Variants in RGPD5 observed in about 807,000 individuals in gnomAD.
RGPD5 encodes the protein RANBP2 like and GRIP domain containing 5, also known as RANBP2-like and GRIP domain-containing protein 5/6.
chr2:109,765,261 T>C, the RGPD5 span, among the ~76,000 whole-genome samples: 2 of 144,658 alleles, frequency 1.4e-5, 1 homozygote, highest in East Asian at 4.5e-4. Context: ...CAAATACACG[T>C]TTAACACTGC....
the RGPD5 span, among the ~76,000 whole-genome samples, chr2:109,766,790 GA>G: frequency 5.3e-5 from 8 of 149,902 alleles, no homozygotes; most frequent in Non-Finnish European, 1.0e-4. Flanking sequence ...TTGCCTGTTT[GA>G]TTTTTTTTTA....
the RGPD5 span, among the ~76,000 whole-genome samples, chr2:109,763,396 C>T: frequency 6.7e-6 from 1 of 150,092 alleles, no homozygotes; most frequent in Non-Finnish European, 1.5e-5. Flanking sequence ...ATGGGGCAGC[C>T]ATATTTCAAC....
At chr2:109,765,338 A>T in the RGPD5 span, among the ~76,000 whole-genome samples, 1 of 149,728 alleles carries the variant, frequency 6.7e-6, no homozygotes, top group Non-Finnish European at 1.5e-5. Context: ...AACGCTTATT[A>T]CTATGTGTGA....
chr2:109,778,378 A>G, the RGPD5 span, among the ~76,000 whole-genome samples: 1 of 148,080 alleles, frequency 6.8e-6, no homozygotes, highest in African/African-American at 2.5e-5. Context: ...AAATGATTCA[A>G]GCTATTAAGT....
chr2:109,766,330 G>A, the RGPD5 span, among the ~76,000 whole-genome samples: 1 of 150,856 alleles, frequency 6.6e-6, no homozygotes, highest in Non-Finnish European at 1.5e-5. Flanking sequence ...CTGTGGAGGA[G>A]CTCAGCCCTT....
chr2:109,794,610 G>GCGGCC (rs1481533589), intron 1 of RGPD5, 73 bp downstream of exon 1: 4 of 190,808 alleles, frequency 2.1e-5, no homozygotes, highest in Middle Eastern at 2.8e-3. Flanking sequence ...GGCGGCGGCG[G>GCGGCC]GGGGGGCGGC....
chr2:109,763,710 T>C, the RGPD5 span, among the ~76,000 whole-genome samples: 1 of 150,500 alleles, frequency 6.6e-6, no homozygotes, highest in African/African-American at 2.4e-5. Flanking sequence ...CTTCCTTTGA[T>C]TGATCATAGA....
the RGPD5 span, among the ~76,000 whole-genome samples, chr2:109,765,530 C>T: frequency 6.6e-6 from 1 of 150,420 alleles, no homozygotes; most frequent in Non-Finnish European, 1.5e-5. Flanking sequence ...AAGGCTGACA[C>T]TGCCCGCTTG....
At chr2:109,762,418 T>A in the RGPD5 span, among the ~76,000 whole-genome samples, 2 of 150,206 alleles carry the variant, frequency 1.3e-5, no homozygotes, top group Non-Finnish European at 2.9e-5. Flanking sequence ...AAAGGCAGTT[T>A]TTCAGTCAAA....
chr2:109,765,556 A>G, the RGPD5 span, among the ~76,000 whole-genome samples: 4 of 150,318 alleles, frequency 2.7e-5, no homozygotes, highest in African/African-American at 9.8e-5. Context: ...GCATGGGCAC[A>G]TCCTGTTGAA....
At chr2:109,771,695 ATAGT>A in the RGPD5 span, among the ~76,000 whole-genome samples, 1 of 15,390 alleles carries the variant, frequency 6.5e-5, no homozygotes, top group African/African-American at 4.5e-4. Context: ...TTGGTTTCTA[ATAGT>A]TAGGTAAATA....
the RGPD5 span, among the ~76,000 whole-genome samples, chr2:109,764,295 C>G: frequency 4.8e-5 from 7 of 147,300 alleles, no homozygotes; most frequent in Admixed American, 4.2e-4. Flanking sequence ...AGCAGATATG[C>G]AGAGGCGCAA....
the RGPD5 span, among the ~76,000 whole-genome samples, chr2:109,763,301 A>G: frequency 1.3e-5 from 2 of 150,578 alleles, no homozygotes; most frequent in Non-Finnish European, 2.9e-5. Flanking sequence ...ATTATAAAGC[A>G]AGTACTGTTA....
chr2:109,767,176 G>A, the RGPD5 span, among the ~76,000 whole-genome samples: 1 of 140,162 alleles, frequency 7.1e-6, no homozygotes, highest in Non-Finnish European at 1.5e-5. Context: ...TATACCCTTT[G>A]CTTTCTTAAA....
At chr2:109,765,822 A>G in the RGPD5 span, among the ~76,000 whole-genome samples, 1 of 150,920 alleles carries the variant, frequency 6.6e-6, no homozygotes, top group Admixed American at 6.7e-5. Flanking sequence ...ATCAACTGCC[A>G]GGGGACATGC....
the RGPD5 span, among the ~76,000 whole-genome samples, chr2:109,778,420 G>C: frequency 2.0e-5 from 3 of 149,514 alleles, no homozygotes; most frequent in South Asian, 4.2e-4. Context: ...TTGTTTCTCC[G>C]TATAAATCTT....
chr2:109,761,662 C>T, the RGPD5 span, among the ~76,000 whole-genome samples: 1 of 148,658 alleles, frequency 6.7e-6, no homozygotes, highest in Non-Finnish European at 1.5e-5. Context: ...CAACCCGCCA[C>T]TATCTCTTAA....
At position 109,794,809 on chromosome 2, in the gene RGPD5, GGCTTGTTCCCGAC is replaced by G. The variant is rs1452900509; in HGVS notation, c.72+287_72+299del. The G allele has an allele frequency of 8.8e-5, 20 of 226,976 alleles. No individual in the cohort carries two copies. In the South Asian group the frequency reaches 1.3e-3, roughly 15 times the overall value. The allele number at this position is 226,976 out of a possible 1,614,324, so 14.1% of individuals were successfully genotyped here. On this transcript the variant is annotated intron_variant, in intron 1 of 22. Transcript: ENST00000016946. ...GGCGCCGGCGCTTCCTCTTAATCCC[GGCTTGTTCCCGAC>G]GCTTGTTCCCGACGGTGCTCGCTCC...
At chr2:109,772,784 CAGG>C in the RGPD5 span, among the ~76,000 whole-genome samples, 1 of 141,314 alleles carries the variant, frequency 7.1e-6, no homozygotes, top group Admixed American at 7.4e-5. Flanking sequence ...GTCTGAAGGT[CAGG>C]AGGTCAGTGA....
Sources: gnomAD v4.1 joint callset for allele counts (sites outside exome capture counted in the v4.1 genomes callset) on GRCh38, gnomAD v4.1.1 for gene constraint, MANE v1.5 for transcripts, NCBI Gene and HGNC (gene_info 2026-07-23, HGNC 2026-07-21) for gene names.